CP: variants seen among roughly 807,000 people sequenced by gnomAD.
CP encodes ceruloplasmin.
A neutral mutation model predicts 122.4 loss-of-function variants in CP; 64 were observed. The observed-to-expected ratio is 0.52, with a 90% confidence interval of 0.43 to 0.64. CP has a LOEUF of 0.64. Among genes scored for constraint, CP ranks in the 30% least tolerant of loss-of-function variants. The probability of loss-of-function intolerance (pLI) is 0.00; values close to 1 mark genes in which losing one functional copy is unlikely to be tolerated. For missense variants in CP, 1,167 were observed against 1,284.4 expected (o/e 0.91, Z 1.40); for synonymous variants, 440 against 436.4 (o/e 1.01, Z -0.10).
chr3:149,181,911 T>G, intron 14 of CP, 94 bp downstream of exon 14: 3 of 1,420,100 alleles, frequency 2.1e-6, no homozygotes, highest in South Asian at 1.2e-5. Flanking sequence ...CCTTTTCACT[T>G]TCTTGGTCCA....
At position 149,212,709 on chromosome 3, in the gene CP, A is replaced by C. The variant is rs374306394; in HGVS notation, c.147-11T>G. On this transcript the variant is annotated splice_polypyrimidine_tract_variant and intron_variant, in intron 1 of 18. Coordinates refer to ENST00000264613, the MANE Select transcript of CP (RefSeq NM_000096.4). The stretch of plus-strand genomic sequence containing the variant: ...ATATTGGAATGTTCCCTGCAAAGAA[A>C]AACAAGACAACTCTATCAGAAGCCA... 1.4e-5 allele frequency: 23 copies of C among 1,612,794 alleles called. No homozygotes were observed. The African/African-American group carries it at 3.1e-4, about 22-fold the overall frequency.
chr3:149,170,707 G>T (rs1724889264), downstream of CP: 1 of 152,148 alleles, frequency 6.6e-6, no homozygotes, highest in Admixed American at 6.5e-5. Flanking sequence ...TTTGTGTAAA[G>T]AAAAATTTAG....
chr3:149,199,217 G>T (rs34841236), intron 8 of CP, among the ~76,000 whole-genome samples: 3 of 151,852 alleles, frequency 2.0e-5, no homozygotes, highest in Non-Finnish European at 4.4e-5. Context: ...AACAAACTCC[G>T]ATTATGAAAT....
rs536239490 is a variant in CP, at chr3:149,207,273, G to A, written c.1036+90C>T. 12 of 1,523,092 alleles carry A rather than the reference G, an allele frequency of 7.9e-6. No individual in the cohort carries two copies. In the East Asian group the frequency reaches 2.5e-4, roughly 31 times the overall value. The allele number at this position is 1,523,092 out of a possible 1,614,324, so 94.3% of individuals were successfully genotyped here. A position where few individuals can be genotyped will look rare whatever the true frequency, so the allele number is the denominator to read the frequency against. ...AACTAAGATGCCAGTTCAAAGCTCA[G>A]ATTATTTCAAAGATATTTAGCTTTT... On this transcript the variant is annotated intron_variant, in intron 5 of 18. Transcript: ENST00000264613.
At chr3:149,197,841 T>C (rs13075921) in intron 9 of CP, among the ~76,000 whole-genome samples, 13,907 of 152,234 alleles carry the variant, frequency 0.091, 713 homozygotes, top group Middle Eastern at 0.11. Flanking sequence ...CAGGAGATAA[T>C]GCTTGCTTGC....
intron 16 of CP, 81 bp downstream of exon 16, chr3:149,178,330 CAAAT>C (rs1343562559): frequency 8.9e-7 from 1 of 1,119,462 alleles, no homozygotes; most frequent in African/African-American, 1.6e-5. Context: ...TAAGACAAAA[CAAAT>C]GAATGGTCTC....
Position 149,202,101 on chromosome 3 carries a change from C to T in CP, c.1348+1G>A, listed in dbSNP as rs770630850. The T allele has an allele frequency of 1.9e-6, 3 of 1,613,882 alleles. No homozygotes were observed. The African/African-American group carries it at 4.0e-5, about 22-fold the overall frequency. On this transcript the variant is annotated splice_donor_variant, in intron 7 of 18. Coordinates refer to ENST00000264613, the MANE Select transcript of CP (RefSeq NM_000096.4). LOFTEE classifies it high-confidence loss of function. ...GCCATATATATTCTGCAAGAACTCA[C>T]CCAGGATGCCAAGATGCTCTTCTTC... is the stretch of plus-strand genomic sequence containing the variant.
rs182868615 is a variant in CP, at chr3:149,203,086, T to G, written c.1209-845A>C. Among the ~76,000 whole-genome samples, 318 of 151,544 alleles carry G rather than the reference T, an allele frequency of 2.1e-3. 1 individual carries two copies. The highest frequency in any genetic ancestry group is 3.9e-3 in the Admixed American group (60 of 15,212). ...AACGCCCGGCTAATTTTTTGTATTTTTAGTAGAGACGGGGTTTCACCGTGT... is the reference window on the plus strand; with the variant it reads ...AACGCCCGGCTAATTTTTTGTATTTGTAGTAGAGACGGGGTTTCACCGTGT... On this transcript the variant is annotated intron_variant, in intron 6 of 18. Transcript: ENST00000264613.
At chr3:149,182,986 A>G (rs1725884507) in intron 13 of CP, among the ~76,000 whole-genome samples, 1 of 152,034 alleles carries the variant, frequency 6.6e-6, no homozygotes, top group Non-Finnish European at 1.5e-5. Flanking sequence ...CCTCATCTCT[A>G]CTAAAAATAC....
chr3:149,189,533 A>AACAGAGCGAG (rs1219266728), intron 9 of CP, among the ~76,000 whole-genome samples: 1 of 150,874 alleles, frequency 6.6e-6, no homozygotes, highest in Non-Finnish European at 1.5e-5. Context: ...CAGCCTGGGT[A>AACAGAGCGAG]ACAGAGCGAG....
intron 1 of CP, among the ~76,000 whole-genome samples, chr3:149,214,529 G>A (rs1462142769): frequency 6.6e-6 from 1 of 152,126 alleles, no homozygotes; most frequent in East Asian, 1.9e-4. Context: ...TGTCCTGGTG[G>A]GAGGGCTAAG....
chr3:149,187,026 C>T (rs1256799476), intron 10 of CP, among the ~76,000 whole-genome samples: 17 of 152,066 alleles, frequency 1.1e-4, no homozygotes, highest in African/African-American at 4.1e-4. Flanking sequence ...TCTGTTATTT[C>T]CAGTTCTTTA....
In CP at chr3:149,175,665, G is replaced by A. The variant is rs554091950; in HGVS notation, c.3181+585C>T. Reference sequence around the variant, plus strand: ...AACTGTTCATTTTTCTCCATTTTAAGTGTGTGTGTGTGTGTGTGTGTGTGT... The same window carrying A: ...AACTGTTCATTTTTCTCCATTTTAAATGTGTGTGTGTGTGTGTGTGTGTGT... On this transcript the variant is annotated intron_variant, in intron 18 of 18. Transcript: ENST00000264613. Among the ~76,000 whole-genome samples, 570 of 59,138 alleles carry A rather than the reference G, an allele frequency of 9.6e-3. 4 individuals carry two copies. Among genetic ancestry groups the A allele is most frequent in the Non-Finnish European group, 0.012 (373 of 31,576 alleles). The allele number at this position is 59,138 out of a possible 152,430, so 38.8% of individuals were successfully genotyped here.
chr3:149,177,487 A>G (rs768112458), intron 17 of CP, among the ~76,000 whole-genome samples: 2 of 152,202 alleles, frequency 1.3e-5, no homozygotes, highest in Non-Finnish European at 2.9e-5. Flanking sequence ...CAAGTCCCTT[A>G]TATAAAATGG....
rs1207624870 is a variant in CP, at chr3:149,188,040, T to C, written c.1864+12A>G. ...AATAACTTGGTAGATTGGTGGATGA[T>C]GCAGTACTTACAGTGCATTTTATTA... On this transcript the variant is annotated intron_variant, in intron 10 of 18. Transcript: ENST00000264613. 4.3e-6 allele frequency: 7 copies of C among 1,611,374 alleles called. No individual in the cohort carries two copies. The African/African-American group carries it at 9.4e-5, about 22-fold the overall frequency.
chr3:149,171,866 G>A (rs186411588), downstream of CP, among the ~76,000 whole-genome samples: 5 of 151,840 alleles, frequency 3.3e-5, no homozygotes, highest in African/African-American at 1.2e-4. Flanking sequence ...CACCATGCCC[G>A]GCTAATTTTT....
chr3:149,178,031 A>G, intron 16 of CP, 52 bp from the exon 17 acceptor site: 1 of 1,506,490 alleles, frequency 6.6e-7, no homozygotes, highest in Non-Finnish European at 9.2e-7. Flanking sequence ...TTAAACCAAT[A>G]GCTATTTCAA....
chr3:149,199,699 G>A lies in CP; in HGVS notation c.1501+13C>T. The A allele has an allele frequency of 1.2e-6, 2 of 1,613,776 alleles. No homozygotes were observed. Among genetic ancestry groups the A allele is most frequent in the Non-Finnish European group, 1.7e-6 (2 of 1,179,870 alleles). On this transcript the variant is annotated intron_variant, in intron 8 of 18. Coordinates refer to ENST00000264613, the MANE Select transcript of CP (RefSeq NM_000096.4). Reference sequence around the variant, plus strand: ...AAACATTGTTGATTTGTTACACAGTGCTGTATACTCACTTCTGCTCTGGGG... The same window carrying A: ...AAACATTGTTGATTTGTTACACAGTACTGTATACTCACTTCTGCTCTGGGG...
chr3:149,197,632 G>A (rs1726982654), intron 9 of CP, among the ~76,000 whole-genome samples: 2 of 152,262 alleles, frequency 1.3e-5, no homozygotes, highest in East Asian at 3.9e-4. Flanking sequence ...ACCAGGGACC[G>A]GTTTCACGGA....
Sources: gnomAD v4.1 joint callset for allele counts (sites outside exome capture counted in the v4.1 genomes callset) on GRCh38, gnomAD v4.1.1 for gene constraint, MANE v1.5 for transcripts, NCBI Gene and HGNC (gene_info 2026-07-23, HGNC 2026-07-21) for gene names.